ODF2L: variants seen among roughly 807,000 people sequenced by gnomAD.
ODF2L encodes the protein protein BCAP.
ODF2L carries 76 observed loss-of-function variants against 86.3 expected under a neutral mutation model. The observed-to-expected ratio is 0.88, with a 90% CI of 0.73 to 1.07. ODF2L has a LOEUF of 1.07. Ranked by LOEUF, ODF2L falls within the 50% of genes least tolerant of loss-of-function variation. The probability of loss-of-function intolerance (pLI) is 0.00; values close to 1 mark genes in which losing one functional copy is unlikely to be tolerated. For missense variants in ODF2L, 748 were observed against 717.4 expected, an observed-to-expected ratio of 1.04 and a Z score of -0.49; for synonymous variants, 241 against 231.3, an observed-to-expected ratio of 1.04 and a Z score of -0.38.
In ODF2L at chr1:86,362,762, C is replaced by A. The variant is rs555794126; in HGVS notation, c.1144-2226G>T. On this transcript the variant is annotated intron_variant, in intron 11 of 17. Coordinates refer to ENST00000317336, the Ensembl canonical transcript of ODF2L. ...GCAGCCTCTGCCTCCTGGGTTCAAG[C>A]GATTCTCCTGCCTCAGCCTCCCCAG... 8.5e-5 allele frequency among the ~76,000 whole-genome samples: 13 copies of A among 152,216 alleles called. No individual in the cohort carries two copies. The East Asian group carries it at 1.9e-3, about 23-fold the overall frequency.
At position 86,384,819 on chromosome 1, in the gene ODF2L, C is replaced by G; in HGVS notation, c.247-18G>C. ...AGATTCGCCTGACAAATTATAAGAA[C>G]CACATACACATTTTAAGACACAGCA... On this transcript the variant is annotated intron_variant, in intron 3 of 17. Transcript: ENST00000317336. The G allele has an allele frequency of 6.8e-7, 1 of 1,467,814 alleles. No individual in the cohort carries two copies. The highest frequency in any genetic ancestry group is 9.0e-7 in the Non-Finnish European group (1 of 1,111,434). The allele number at this position is 1,467,814 out of a possible 1,614,324, so 90.9% of individuals were successfully genotyped here.
intron 2 of ODF2L, 36 bp downstream of exon 2, chr1:86,386,879 G>T (rs770321959): frequency 2.8e-6 from 3 of 1,069,664 alleles, no homozygotes; most frequent in Non-Finnish European, 4.2e-6. Context: ...TCCTAGAATC[G>T]GAAATTTAGA....
intron 10 of ODF2L, among the ~76,000 whole-genome samples, chr1:86,369,935 C>A (rs1328158667): frequency 2.0e-5 from 3 of 152,066 alleles, no homozygotes; most frequent in African/African-American, 4.8e-5. Flanking sequence ...GGAATGCTAT[C>A]ATTTTATTAA....
At chr1:86,376,682 C>G (rs1164136770) in intron 7 of ODF2L, among the ~76,000 whole-genome samples, 1 of 152,100 alleles carries the variant, frequency 6.6e-6, no homozygotes. Context: ...CGACAGGAGA[C>G]AGAAGAGTGA....
chr1:86,358,030 A>G (rs772656581), intron 13 of ODF2L: 14 of 984,994 alleles, frequency 1.4e-5, no homozygotes, highest in African/African-American at 1.7e-5. Flanking sequence ...AGCTATCTTT[A>G]TGTCTGTATA....
At chr1:86,393,407 T>A (rs548948527) in intron 1 of ODF2L, among the ~76,000 whole-genome samples, 174 of 150,206 alleles carry the variant, frequency 1.2e-3, no homozygotes, top group Non-Finnish European at 2.2e-3. Context: ...AGGATAGGAA[T>A]CTTGGAAACA....
At chr1:86,392,515 CATGG>C (rs1661405555) in intron 1 of ODF2L, among the ~76,000 whole-genome samples, 3 of 152,146 alleles carry the variant, frequency 2.0e-5, no homozygotes, top group Admixed American at 2.0e-4. Context: ...TTCACAGCAA[CATGG>C]ATGGAATTGG....
At chr1:86,382,857 G>A in intron 6 of ODF2L, 74 bp downstream of exon 6, 1 of 754,274 alleles carries the variant, frequency 1.3e-6, no homozygotes, top group Non-Finnish European at 2.4e-6. Context: ...TGAGGAGTTG[G>A]GGCCAGGATG....
chr1:86,379,475 A>G (rs1660416345), intron 7 of ODF2L, among the ~76,000 whole-genome samples: 1 of 152,156 alleles, frequency 6.6e-6, no homozygotes, highest in Non-Finnish European at 1.5e-5. Context: ...TATACATCAT[A>G]CTAGTTTTAA....
chr1:86,374,783 A>C (rs1028579039), intron 8 of ODF2L: 8 of 152,196 alleles, frequency 5.3e-5, no homozygotes, highest in Non-Finnish European at 1.5e-5. Flanking sequence ...CTTGTCCTTG[A>C]TCTGTCTCTG....
chr1:86,376,263 A>C, exon 8 of ODF2L: 2 of 1,611,374 alleles, frequency 1.2e-6, no homozygotes, highest in South Asian at 2.2e-5. Context: ...TAAGCTTTTC[A>C]ATAGCTCCTG....
intron 12 of ODF2L, among the ~76,000 whole-genome samples, chr1:86,360,223 T>C (rs1034903200): frequency 6.6e-6 from 1 of 152,198 alleles, no homozygotes; most frequent in Admixed American, 6.5e-5. Context: ...AGTATATCCA[T>C]ATGCAGTGTT....
chr1:86,360,469 A>G (rs761031339), exon 12 of ODF2L: 1 of 1,599,730 alleles, frequency 6.3e-7, no homozygotes, highest in South Asian at 1.1e-5. Context: ...TTTTTTTTCT[A>G]CTTCTTGCAA....
intron 1 of ODF2L, among the ~76,000 whole-genome samples, chr1:86,391,994 A>G (rs898221021): frequency 6.6e-6 from 1 of 152,186 alleles, no homozygotes; most frequent in African/African-American, 2.4e-5. Flanking sequence ...AACTCAAATT[A>G]GCAAGAAAAA....
At chr1:86,348,938 G>A (rs899336273), downstream of ODF2L, 38 of 1,476,334 alleles carry the variant, frequency 2.6e-5, no homozygotes, top group Middle Eastern at 1.8e-4. Flanking sequence ...CAAAGGACCA[G>A]AGTCATAATA....
intron 1 of ODF2L, among the ~76,000 whole-genome samples, chr1:86,388,635 C>T (rs1661107376): frequency 1.3e-5 from 2 of 151,460 alleles, no homozygotes; most frequent in South Asian, 4.2e-4. Flanking sequence ...CAAATGGTTC[C>T]CATATTTGGA....
At chr1:86,347,207 A>G (rs561994207), downstream of ODF2L, 1 of 152,308 alleles carries the variant, frequency 6.6e-6, no homozygotes, top group South Asian at 2.1e-4. Context: ...TACATTTTTC[A>G]TATCTAAAAC....
At chr1:86,352,829 TATA>T in intron 17 of ODF2L, 27 bp downstream of exon 16, 1 of 1,342,626 alleles carries the variant, frequency 7.4e-7, no homozygotes, top group South Asian at 1.3e-5. Context: ...TGTTATCTTT[TATA>T]ATATGTTAAG....
At chr1:86,374,940 G>T (rs1312063850) in intron 8 of ODF2L, 2 of 152,130 alleles carry the variant, frequency 1.3e-5, no homozygotes, top group Non-Finnish European at 2.9e-5. Context: ...GAATAGGATA[G>T]CAAGCTCCTG....
Sources: gnomAD v4.1 joint callset for allele counts (sites outside exome capture counted in the v4.1 genomes callset) on GRCh38, gnomAD v4.1.1 for gene constraint, MANE v1.5 for transcripts, NCBI Gene and HGNC (gene_info 2026-07-23, HGNC 2026-07-21) for gene names.